POLDIP3: variants seen among roughly 807,000 people sequenced by gnomAD.
POLDIP3 encodes DNA polymerase delta interacting protein 3.
Under a neutral mutation model 45.1 loss-of-function variants are expected in POLDIP3, and 14 were observed. The observed-to-expected ratio is 0.31, with a 90% CI of 0.20 to 0.49. The LOEUF (loss-of-function observed/expected upper bound fraction) is 0.49, where lower values mean the gene tolerates loss of function less well. Ranked by LOEUF, POLDIP3 falls within the 20% of genes least tolerant of loss-of-function variation. POLDIP3 has a pLI of 0.99. For missense variants in POLDIP3, 511 were observed against 538.8 expected (o/e 0.95, Z 0.51); for synonymous variants, 223 against 205.2 (o/e 1.09, Z -0.74).
rs920454892 is a variant in POLDIP3 at position 42,584,688 on chromosome 22, C to T, written c.*1103G>A. ...CACCTTGCCTGGTAGAGCTGCCCTG[C>T]TCCCTTGACTCCTCCTCCTCTGCCA... On this transcript the variant is annotated 3_prime_UTR_variant, in exon 9 of 9. Transcript: ENST00000252115. 8.4e-6 allele frequency: 3 copies of T among 357,522 alleles called. No individual in the cohort carries two copies. Among genetic ancestry groups the T allele is most frequent in the Non-Finnish European group, 1.6e-5 (3 of 182,428 alleles). The allele number at this position is 357,522 out of a possible 1,614,324, so 22.1% of individuals were successfully genotyped here. A position where few individuals can be genotyped will look rare whatever the true frequency, so the allele number is the denominator to read the frequency against.
chr22:42,587,366 A>G, intron 8 of POLDIP3, 140 bp downstream of exon 8: 1 of 889,810 alleles, frequency 1.1e-6, no homozygotes, highest in Non-Finnish European at 1.8e-6. Flanking sequence ...GTTTAAGCAT[A>G]TGAAACGGCC....
intron 6 of POLDIP3, among the ~76,000 whole-genome samples, chr22:42,595,084 C>A (rs980852446): frequency 6.6e-6 from 1 of 152,322 alleles, no homozygotes; most frequent in South Asian, 2.1e-4. Context: ...CTCAGGAGGG[C>A]TCCTGCCACC....
intron 3 of POLDIP3, among the ~76,000 whole-genome samples, chr22:42,600,489 G>A (rs1360010574): frequency 6.6e-6 from 1 of 151,980 alleles, no homozygotes; most frequent in East Asian, 1.9e-4. Flanking sequence ...AGCCGGGCAT[G>A]GTGGCATGCG....
At chr22:42,613,000 A>C (rs1927218603) in intron 1 of POLDIP3, among the ~76,000 whole-genome samples, 1 of 152,178 alleles carries the variant, frequency 6.6e-6, no homozygotes, top group African/African-American at 2.4e-5. Context: ...GGATCCACAC[A>C]TAACCACCCC....
intron 1 of POLDIP3, 151 bp downstream of exon 1, chr22:42,614,648 G>A (rs984047977): frequency 8.4e-6 from 7 of 830,746 alleles, no homozygotes; most frequent in African/African-American, 3.7e-5. Flanking sequence ...GGCCACGGCG[G>A]GGACGGCGGC....
rs934035268 is a variant in POLDIP3 at position 42,599,341 on chromosome 22, C to T, written c.633+357G>A. On this transcript the variant is annotated intron_variant, in intron 4 of 8. Transcript: ENST00000252115. ...TATTCACGCCGGGCGCAGTGGCTTA[C>T]GCCTGTAATCCCAGCACCTTGGGAG... Among the ~76,000 whole-genome samples, 11 of 152,258 alleles carry T rather than the reference C, an allele frequency of 7.2e-5. No homozygotes were observed. In the East Asian group the frequency reaches 9.6e-4, roughly 13 times the overall value.
intron 3 of POLDIP3, 28 bp from the exon 4 acceptor site, chr22:42,599,821 G>C (rs2146818705): frequency 6.6e-7 from 1 of 1,520,802 alleles, no homozygotes; most frequent in Non-Finnish European, 9.1e-7. Flanking sequence ...AGAAATATAA[G>C]CAAATGTGGC....
chr22:42,596,426 C>T (rs1413951705), intron 4 of POLDIP3, 61 bp from the exon 5 acceptor site: 1 of 1,512,076 alleles, frequency 6.6e-7, no homozygotes, highest in Non-Finnish European at 9.0e-7. Context: ...GAAGAAGCCC[C>T]AAGAGGTTGA....
intron 1 of POLDIP3, chr22:42,603,512 C>CAGAT: frequency 4.4e-6 from 1 of 225,696 alleles, no homozygotes; most frequent in South Asian, 6.7e-5. Context: ...TAATCCCACT[C>CAGAT]ATCTGAGGAG....
At chr22:42,608,598 C>A (rs1926923014) in intron 1 of POLDIP3, among the ~76,000 whole-genome samples, 1 of 152,080 alleles carries the variant, frequency 6.6e-6, no homozygotes, top group African/African-American at 2.4e-5. Flanking sequence ...AATCTTAGGA[C>A]TCCGGTCATG....
At chr22:42,605,242 G>A (rs999191246) in intron 1 of POLDIP3, among the ~76,000 whole-genome samples, 3 of 152,138 alleles carry the variant, frequency 2.0e-5, no homozygotes, top group South Asian at 4.1e-4. Context: ...ATTCTCCTGC[G>A]CCAGCCTCCC....
chr22:42,590,818 C>T (rs1311849948), intron 7 of POLDIP3, among the ~76,000 whole-genome samples: 4 of 152,184 alleles, frequency 2.6e-5, no homozygotes, highest in Non-Finnish European at 4.4e-5. Flanking sequence ...TGCCTATAAT[C>T]CTAGCACTTT....
rs1430547745 is a variant in POLDIP3, at chr22:42,585,965, C to G, written c.1092G>C (p.Arg364=). Reference sequence around the variant, plus strand: ...TTTTCATTGATGGGCTGTCACTCAGCCGCCTGTGGAGAGCAGAGAAGAGTC... The same window carrying G: ...TTTTCATTGATGGGCTGTCACTCAGGCGCCTGTGGAGAGCAGAGAAGAGTC... ...VITSDQPILL[R]LSDSPSMKKE... Residue 364 remains arginine, a synonymous_variant, in exon 9 of 9, where the codon CGG becomes CGC. Coordinates refer to ENST00000252115, the MANE Select transcript of POLDIP3 (RefSeq NM_032311.5). 1.9e-6 allele frequency: 3 copies of G among 1,610,064 alleles called. No homozygotes were observed. The South Asian group carries it at 3.3e-5, about 18-fold the overall frequency.
rs1386689988 is a variant in POLDIP3 at position 42,596,322 on chromosome 22, G to A, written c.677C>T (p.Pro226Leu). The A allele has an allele frequency of 2.5e-6, 4 of 1,614,184 alleles. No homozygotes were observed. The highest frequency in any genetic ancestry group is 1.7e-5 in the Admixed American group (1 of 60,014). The part of the protein sequence containing the change: ...SSKLSMSKAL[P>L]LTKVVQNDAY... ...ATCATTCTGAACCACTTTGGTGAGA[G>A]GGAGGGCCTTGGACATGGAAAGCTT... The change falls in exon 5 of 9, where the codon CCT becomes CTT. Residue 226 changes from proline (P) to leucine (L), a missense_variant. Pro to Leu is a moderately conservative substitution (Grantham distance 98). This residue lies in a region of POLDIP3 where 378 missense variants were observed against 352.3 expected (regional missense o/e 1.07). Transcript: ENST00000252115.
chr22:42,585,844 ACTT>A lies in POLDIP3; in HGVS notation c.1210_1212del (p.Lys404del). 1 of 1,613,094 alleles carries A rather than the reference ACTT, an allele frequency of 6.2e-7. No individual in the cohort carries two copies. The highest frequency in any genetic ancestry group is 8.5e-7 in the Non-Finnish European group (1 of 1,179,988). On this transcript the variant is annotated inframe_deletion, in exon 9 of 9. Coordinates refer to ENST00000252115, the MANE Select transcript of POLDIP3 (RefSeq NM_032311.5). Reference sequence around the variant, plus strand: ...TGCGTGGTCACAGAGGCCCCTGAGGACTTGAAGAGTGCCTTCAGGATGGTGTCA... The same window carrying A: ...TGCGTGGTCACAGAGGCCCCTGAGGAGAAGAGTGCCTTCAGGATGGTGTCA...
At chr22:42,593,468 A>C (rs1467191107) in intron 6 of POLDIP3, among the ~76,000 whole-genome samples, 1 of 152,228 alleles carries the variant, frequency 6.6e-6, no homozygotes, top group Admixed American at 6.5e-5. Context: ...AGTGACTGGC[A>C]CATAGCAAGT....
chr22:42,605,152 G>C (rs970107620), intron 1 of POLDIP3, among the ~76,000 whole-genome samples: 6 of 152,054 alleles, frequency 3.9e-5, no homozygotes, highest in Non-Finnish European at 8.8e-5. Context: ...GTTTGAGATG[G>C]AGTCTTGCTC....
At chr22:42,589,480 T>C (rs2067013913) in intron 7 of POLDIP3, among the ~76,000 whole-genome samples, 1 of 151,700 alleles carries the variant, frequency 6.6e-6, no homozygotes, top group Non-Finnish European at 1.5e-5. Flanking sequence ...ATATATAAAA[T>C]AAAAATACAC....
Position 42,585,763 on chromosome 22 carries a change from C to A in POLDIP3, c.*28G>T. 1 of 1,600,842 alleles carries A rather than the reference C, an allele frequency of 6.2e-7. No homozygotes were observed. Among genetic ancestry groups the A allele is most frequent in the Non-Finnish European group, 8.5e-7 (1 of 1,173,266 alleles). Reference sequence around the variant, plus strand: ...GGAAACAGAGCCACCCTCCTCTGCCCCCACTTCTGGCTGCCTCACTCCCCT... The same window carrying A: ...GGAAACAGAGCCACCCTCCTCTGCCACCACTTCTGGCTGCCTCACTCCCCT... On this transcript the variant is annotated 3_prime_UTR_variant, in exon 9 of 9. Transcript: ENST00000252115.
Sources: allele counts gnomAD v4.1 joint callset (sites outside exome capture counted in the v4.1 genomes callset), GRCh38; gene constraint gnomAD v4.1.1; regional missense constraint gnomAD v4.1.1; transcripts MANE v1.5; gene names NCBI Gene and HGNC (gene_info 2026-07-23, HGNC 2026-07-21).